The following BACH2 variants were observed in gnomAD, a reference collection of about 807,000 sequenced individuals.
BACH2 encodes the protein transcription regulator protein BACH2.
In BACH2, 5 loss-of-function variants were observed where a neutral mutation model predicts 61.8. The ratio of observed to expected loss-of-function variants is 0.08; its 90% CI spans 0.04 to 0.17. The LOEUF is 0.17. Among genes scored for constraint, BACH2 ranks in the 10% least tolerant of loss-of-function variants. The pLI is 1.00. For synonymous variants in BACH2, 446 were observed against 440.1 expected (o/e 1.01, Z -0.17); for missense variants, 824 against 1,091.1 (o/e 0.76, Z 3.45).
At chr6:90,087,300 G>A (rs958222559) in intron 5 of BACH2, among the ~76,000 whole-genome samples, 11 of 152,116 alleles carry the variant, frequency 7.2e-5, no homozygotes, top group Non-Finnish European at 1.3e-4. Flanking sequence ...ATAAATCACA[G>A]TGCTTATCCA....
intron 3 of BACH2, among the ~76,000 whole-genome samples, chr6:90,241,726 C>T (rs994086096): frequency 1.3e-5 from 2 of 151,726 alleles, no homozygotes; most frequent in Non-Finnish European, 2.9e-5. Flanking sequence ...AAATGTATGC[C>T]ACAGGAAGTT....
At chr6:90,108,711 G>A (rs1783033218) in intron 4 of BACH2, among the ~76,000 whole-genome samples, 1 of 152,180 alleles carries the variant, frequency 6.6e-6, no homozygotes, top group Non-Finnish European at 1.5e-5. Flanking sequence ...GTCTATCATT[G>A]CTCTAGACTT....
chr6:90,082,532 G>A (rs767585234), intron 5 of BACH2, among the ~76,000 whole-genome samples: 2 of 152,104 alleles, frequency 1.3e-5, no homozygotes, highest in African/African-American at 2.4e-5. Flanking sequence ...CTTGTAGGAT[G>A]TAATCAGTCT....
intron 4 of BACH2, among the ~76,000 whole-genome samples, chr6:90,180,613 A>G (rs182176759): frequency 9.2e-5 from 14 of 152,248 alleles, no homozygotes; most frequent in African/African-American, 2.4e-4. Flanking sequence ...CCTGCTTATA[A>G]GTGAGAACAT....
chr6:89,997,211 T>C (rs1582163990), intron 6 of BACH2, among the ~76,000 whole-genome samples: 1 of 152,172 alleles, frequency 6.6e-6, no homozygotes, highest in Non-Finnish European at 1.5e-5. Flanking sequence ...CAGCCTTAAA[T>C]AGGAGGAATG....
intron 1 of BACH2, among the ~76,000 whole-genome samples, chr6:90,278,966 T>C (rs1771775759): frequency 6.6e-6 from 1 of 152,348 alleles, no homozygotes; most frequent in African/African-American, 2.4e-5. Context: ...TAAAACATTA[T>C]CATTTCAACA....
chr6:90,211,822 C>T (rs568167511), intron 3 of BACH2, among the ~76,000 whole-genome samples: 1 of 152,252 alleles, frequency 6.6e-6, no homozygotes, highest in Admixed American at 6.5e-5. Context: ...CAAGAGCAAG[C>T]AGGTCACTCT....
intron 3 of BACH2, among the ~76,000 whole-genome samples, chr6:90,219,965 T>TG (rs1400867075): frequency 6.6e-6 from 1 of 151,212 alleles, no homozygotes. Flanking sequence ...TTTTCTGAGT[T>TG]TTTTTTTTTC....
intron 4 of BACH2, among the ~76,000 whole-genome samples, chr6:90,128,725 G>A (rs956596302): frequency 9.8e-5 from 15 of 152,328 alleles, no homozygotes; most frequent in African/African-American, 3.4e-4. Context: ...TATACCCAAA[G>A]TATTATAAAC....
intron 3 of BACH2, among the ~76,000 whole-genome samples, chr6:90,238,086 A>C (rs921350940): frequency 2.6e-5 from 4 of 152,236 alleles, no homozygotes; most frequent in African/African-American, 9.6e-5. Context: ...TAAATTTATA[A>C]AACAATAGGC....
At chr6:90,136,844 T>C (rs1225107875) in intron 4 of BACH2, among the ~76,000 whole-genome samples, 1 of 146,138 alleles carries the variant, frequency 6.8e-6, no homozygotes, top group African/African-American at 2.5e-5. Flanking sequence ...TTTTCTTTCT[T>C]TTTTTTTTTT....
At chr6:89,954,355 AG>A (rs1774297414) in intron 6 of BACH2, among the ~76,000 whole-genome samples, 2 of 151,602 alleles carry the variant, frequency 1.3e-5, no homozygotes, top group South Asian at 4.2e-4. Flanking sequence ...CATAATGTGC[AG>A]GTTACATATG....
intron 8 of BACH2, among the ~76,000 whole-genome samples, chr6:89,937,188 C>T (rs11752357): frequency 0.29 from 44,551 of 151,902 alleles, 6,850 homozygotes; most frequent in Admixed American, 0.33. Flanking sequence ...TGAGGCAGAA[C>T]TGCAAAAGAA....
chr6:90,242,709 C>T (rs1252720790), intron 3 of BACH2, among the ~76,000 whole-genome samples: 1 of 151,784 alleles, frequency 6.6e-6, no homozygotes, highest in Non-Finnish European at 1.5e-5. Flanking sequence ...ATCTAAAAAT[C>T]CATCTACCAA....
chr6:90,037,817 C>T (rs1779334284), intron 5 of BACH2, among the ~76,000 whole-genome samples: 1 of 152,160 alleles, frequency 6.6e-6, no homozygotes. Context: ...TAGGGTAGGC[C>T]TCTCATCCAA....
At chr6:90,168,807 C>T (rs759958349) in intron 4 of BACH2, among the ~76,000 whole-genome samples, 1 of 152,188 alleles carries the variant, frequency 6.6e-6, no homozygotes, top group South Asian at 2.1e-4. Flanking sequence ...TTGGGCACTG[C>T]ATAACTTTAA....
At chr6:90,014,436 G>GTA (rs1777909930) in intron 5 of BACH2, among the ~76,000 whole-genome samples, 1 of 65,992 alleles carries the variant, frequency 1.5e-5, no homozygotes, top group Non-Finnish European at 2.4e-5. Flanking sequence ...GTGTGTGTGT[G>GTA]TGTGTATATA....
chr6:89,966,280 A>C (rs1775043252), intron 6 of BACH2, among the ~76,000 whole-genome samples: 1 of 152,220 alleles, frequency 6.6e-6, no homozygotes, highest in Admixed American at 6.5e-5. Context: ...CATACATGGA[A>C]ACCAGACTTT....
chr6:90,101,630 C>G (rs976331411), intron 4 of BACH2, among the ~76,000 whole-genome samples: 2 of 152,148 alleles, frequency 1.3e-5, no homozygotes, highest in African/African-American at 4.8e-5. Flanking sequence ...TCCTCTTTTG[C>G]AAGATTGTTT....
Sources: gnomAD v4.1 joint callset for allele counts (sites outside exome capture counted in the v4.1 genomes callset) on GRCh38, gnomAD v4.1.1 for gene constraint, MANE v1.5 for transcripts, NCBI Gene and HGNC (gene_info 2026-07-23, HGNC 2026-07-21) for gene names.